The following ZNF594 variants were observed in gnomAD, a reference collection of about 807,000 sequenced individuals.
ZNF594 encodes the protein zinc finger protein 594.
For synonymous variants in ZNF594, 336 were observed against 309.4 expected, an observed-to-expected ratio of 1.09 and a Z score of -0.90; for missense variants, 1,037 against 964.6, an observed-to-expected ratio of 1.08 and a Z score of -0.99.
In ZNF594 at chr17:5,184,047, A is replaced by T; in HGVS notation, c.210T>A (p.His70Gln). The T allele has an allele frequency of 6.2e-7, 1 of 1,614,150 alleles. No individual in the cohort carries two copies. The highest frequency in any genetic ancestry group is 8.5e-7 in the Non-Finnish European group (1 of 1,180,026). Residue 70 changes from histidine (H) to glutamine (Q), a missense_variant, in exon 2 of 2, where the codon CAT becomes CAA. By Grantham distance (24) the His-to-Gln change is conservative. Transcript: ENST00000575779. ...PSQESGIREM[H>Q]IIPQKAIVGE... ...CCACAATGGCTTTCTGGGGGATAAT[A>T]TGCATTTCCCTGATACCGCTCTCTT...
intron 1 of ZNF594, 56 bp downstream of exon 1, chr17:5,191,692 T>A (rs2144269996): frequency 6.6e-6 from 1 of 152,246 alleles, no homozygotes; most frequent in Non-Finnish European, 1.5e-5. Context: ...ACTCCTCGCT[T>A]GCCGGTGGAC....
chr17:5,180,935 G>A lies in ZNF594; in HGVS notation c.*898C>T, dbSNP rs779569764. 1.2e-4 allele frequency: 78 copies of A among 664,410 alleles called. No homozygotes were observed. The highest frequency in any genetic ancestry group is 1.8e-4 in the Non-Finnish European group (66 of 363,178). 41.2% of individuals were successfully genotyped at this position (664,410 alleles called of 1,614,324 possible). ...GTTTTACTGCATTCATTAGGTTTCT[G>A]CTACCTATTAGAATAGGTCCTGTTT... On this transcript the variant is annotated 3_prime_UTR_variant, in exon 2 of 2. Transcript: ENST00000575779.
chr17:5,175,227 C>T (rs1341308173), downstream of ZNF594, among the ~76,000 whole-genome samples: 2 of 152,146 alleles, frequency 1.3e-5, no homozygotes, highest in African/African-American at 4.8e-5. Context: ...AGGTGAGTGG[C>T]GAGCTGTATT....
At chr17:5,179,091 C>G (rs548001171), downstream of ZNF594, among the ~76,000 whole-genome samples, 9 of 151,544 alleles carry the variant, frequency 5.9e-5, no homozygotes, top group East Asian at 1.2e-3. Context: ...GAGGTGACAG[C>G]GCCAGCAGCA....
At chr17:5,190,586 T>C (rs2074415523) in intron 1 of ZNF594, among the ~76,000 whole-genome samples, 1 of 152,194 alleles carries the variant, frequency 6.6e-6, no homozygotes, top group Admixed American at 6.5e-5. Context: ...AATCTATGCC[T>C]AGAGGAAGAC....
chr17:5,181,047 C>G lies in ZNF594; in HGVS notation c.*786G>C, dbSNP rs759447405. 6 of 1,135,650 alleles carry G rather than the reference C, an allele frequency of 5.3e-6. No homozygotes were observed. Among genetic ancestry groups the G allele is most frequent in the Middle Eastern group, 1.9e-4 (1 of 5,174 alleles). 70.3% of individuals were successfully genotyped at this position (1,135,650 alleles called of 1,614,324 possible). On this transcript the variant is annotated 3_prime_UTR_variant, in exon 2 of 2. Coordinates refer to ENST00000575779, the MANE Select transcript of ZNF594 (RefSeq NM_032530.2). ...TGTCCACCCACTGAAGGCCTTACCA[C>G]AGTTGCTACATTCAAAGGGTTTCTC...
intron 1 of ZNF594, 64 bp from the exon 2 acceptor site, chr17:5,184,340 G>A (rs2074372657): frequency 2.7e-6 from 4 of 1,470,854 alleles, no homozygotes; most frequent in Non-Finnish European, 3.6e-6. Flanking sequence ...TCATTATACT[G>A]GGCAGTCTAA....
rs778672818 is a variant in ZNF594 at position 5,181,481 on chromosome 17, C to A, written c.*352G>T. On this transcript the variant is annotated 3_prime_UTR_variant, in exon 2 of 2. Coordinates refer to ENST00000575779, the MANE Select transcript of ZNF594 (RefSeq NM_032530.2). Reference sequence around the variant, plus strand: ...AGGTTTTCTCACGTTCTTCAAGTTTCTCTCCAGCATGCAGTCTCTGATGTT... The same window carrying A: ...AGGTTTTCTCACGTTCTTCAAGTTTATCTCCAGCATGCAGTCTCTGATGTT... 1 of 1,613,952 alleles carries A rather than the reference C, an allele frequency of 6.2e-7. No individual in the cohort carries two copies. The highest frequency in any genetic ancestry group is 1.7e-5 in the Admixed American group (1 of 60,002).
chr17:5,189,586 G>GT (rs1345826232), intron 1 of ZNF594, among the ~76,000 whole-genome samples: 2 of 152,032 alleles, frequency 1.3e-5, no homozygotes, highest in African/African-American at 4.8e-5. Context: ...CCAGGCTGGA[G>GT]TGCAGTGGTG....
At chr17:5,187,937 G>T (rs1168814333) in intron 1 of ZNF594, among the ~76,000 whole-genome samples, 2 of 143,070 alleles carry the variant, frequency 1.4e-5, no homozygotes, top group Non-Finnish European at 3.0e-5. Context: ...TGCCCAGGCT[G>T]GTCTCACACT....
chr17:5,186,699 C>T (rs1288505928), intron 1 of ZNF594, among the ~76,000 whole-genome samples: 1 of 152,212 alleles, frequency 6.6e-6, no homozygotes, highest in Non-Finnish European at 1.5e-5. Flanking sequence ...TAACAGGACC[C>T]AAGTCACACC....
Position 5,181,605 on chromosome 17 carries a change from C to T in ZNF594, c.*228G>A, listed in dbSNP as rs147747782. 507 of 1,609,880 alleles carry T rather than the reference C, an allele frequency of 3.1e-4. No homozygotes were observed. Among genetic ancestry groups the T allele is most frequent in the Admixed American group, 4.2e-4 (25 of 60,002 alleles). On this transcript the variant is annotated 3_prime_UTR_variant, in exon 2 of 2. Coordinates refer to ENST00000575779, the MANE Select transcript of ZNF594 (RefSeq NM_032530.2). ...TCTCCGACGTTGAATAAGGAGTGAACGCCGCCTGAAGGCTTTTTCACATTC... is the reference window on the plus strand; with the variant it reads ...TCTCCGACGTTGAATAAGGAGTGAATGCCGCCTGAAGGCTTTTTCACATTC...
the ZNF594 span, chr17:5,174,275 G>A: frequency 1.6e-5 from 3 of 188,890 alleles, no homozygotes; most frequent in Admixed American, 6.2e-5. Context: ...TATACTTGAA[G>A]GAAATGTTTC....
intron 1 of ZNF594, among the ~76,000 whole-genome samples, chr17:5,189,457 TG>T (rs1851348162): frequency 6.6e-6 from 1 of 152,038 alleles, no homozygotes; most frequent in African/African-American, 2.4e-5. Flanking sequence ...CAGGGTGTTC[TG>T]GAACTCCTGG....
intron 1 of ZNF594, among the ~76,000 whole-genome samples, chr17:5,189,501 AG>A (rs1402296442): frequency 6.7e-6 from 1 of 148,988 alleles, no homozygotes; most frequent in African/African-American, 2.5e-5. Context: ...AGCCTCCCAA[AG>A]TGCTAGCATT....
At position 5,182,666 on chromosome 17, in the gene ZNF594, A is replaced by C; in HGVS notation, c.1591T>G (p.Phe531Val). Residue 531 changes from phenylalanine to valine, a missense_variant, in exon 2 of 2, where the codon TTC becomes GTC. Coordinates refer to ENST00000575779, the MANE Select transcript of ZNF594 (RefSeq NM_032530.2). ...CGKLFIWRTAFLKHQSLHTGE... is the reference protein window; with the variant it reads ...CGKLFIWRTAVLKHQSLHTGE... ...GTATGCAGGCTCTGATGTTTGAGGAAAGCTGTGCGCCAAATGAAGAGCTTC... is the reference window on the plus strand; with the variant it reads ...GTATGCAGGCTCTGATGTTTGAGGACAGCTGTGCGCCAAATGAAGAGCTTC... The C allele has an allele frequency of 1.2e-6, 2 of 1,613,746 alleles. No homozygotes were observed. The highest frequency in any genetic ancestry group is 1.7e-6 in the Non-Finnish European group (2 of 1,179,914).
intron 1 of ZNF594, among the ~76,000 whole-genome samples, chr17:5,187,544 T>G (rs1250352944): frequency 6.6e-6 from 1 of 152,212 alleles, no homozygotes; most frequent in African/African-American, 2.4e-5. Flanking sequence ...TTGGAGTGAA[T>G]GAGCAGCAAC....
At chr17:5,188,189 T>G (rs1275575785) in intron 1 of ZNF594, among the ~76,000 whole-genome samples, 1 of 149,674 alleles carries the variant, frequency 6.7e-6, no homozygotes, top group Non-Finnish European at 1.5e-5. Context: ...TGGTTCGATA[T>G]ACATATATAT....
chr17:5,191,335 T>C (rs2074422851), intron 1 of ZNF594: 1 of 152,232 alleles, frequency 6.6e-6, no homozygotes, highest in African/African-American at 2.4e-5. Flanking sequence ...AGAACATATA[T>C]GAACAATACA....
Sources: allele counts gnomAD v4.1 joint callset (sites outside exome capture counted in the v4.1 genomes callset), GRCh38; gene constraint gnomAD v4.1.1; transcripts MANE v1.5; gene names NCBI Gene and HGNC (gene_info 2026-07-23, HGNC 2026-07-21).